The following MYO1E variants were observed in gnomAD, a reference collection of about 807,000 sequenced individuals.
The protein encoded by MYO1E is myosin IE.
A neutral mutation model predicts 151.1 loss-of-function variants in MYO1E; 68 were observed. The ratio of observed to expected loss-of-function variants is 0.45; its 90% CI spans 0.37 to 0.55. The LOEUF (loss-of-function observed/expected upper bound fraction) is 0.55. MYO1E is among the 20% of genes least tolerant of loss of function. The pLI, the probability that MYO1E is intolerant of heterozygous loss-of-function variation, is 0.00. For missense variants in MYO1E, 1,363 were observed against 1,389.3 expected, an observed-to-expected ratio of 0.98 and a Z score of 0.30; for synonymous variants, 601 against 501.7, an observed-to-expected ratio of 1.20 and a Z score of -2.64.
intron 1 of MYO1E, among the ~76,000 whole-genome samples, chr15:59,310,250 A>T (rs921584333): frequency 3.3e-5 from 5 of 152,116 alleles, no homozygotes; most frequent in Admixed American, 6.5e-5. Flanking sequence ...GAGTCCTAAA[A>T]TGATAAGGTG....
intron 1 of MYO1E, among the ~76,000 whole-genome samples, chr15:59,285,931 G>T (rs903874933): frequency 6.6e-6 from 1 of 152,182 alleles, no homozygotes; most frequent in Non-Finnish European, 1.5e-5. Context: ...GTTTGAAAAT[G>T]ATAGTCTCTG....
At chr15:59,147,866 C>T (rs1252644630) in intron 26 of MYO1E, among the ~76,000 whole-genome samples, 3 of 152,030 alleles carry the variant, frequency 2.0e-5, no homozygotes, top group Non-Finnish European at 4.4e-5. Context: ...GCTGCCCATT[C>T]CCCGCATTAC....
At chr15:59,229,780 C>T (rs1196141161) in intron 6 of MYO1E, among the ~76,000 whole-genome samples, 1 of 151,662 alleles carries the variant, frequency 6.6e-6, no homozygotes, top group Non-Finnish European at 1.5e-5. Context: ...TACCCTGATG[C>T]CACTTCTTCA....
At chr15:59,183,978 C>A (rs1353137304) in intron 18 of MYO1E, among the ~76,000 whole-genome samples, 1 of 152,126 alleles carries the variant, frequency 6.6e-6, no homozygotes, top group Non-Finnish European at 1.5e-5. Flanking sequence ...ACATAATGAT[C>A]TCCAATTCCA....
intron 14 of MYO1E, chr15:59,207,951 C>G (rs1203437622): frequency 6.2e-7 from 1 of 1,613,912 alleles, no homozygotes; most frequent in Non-Finnish European, 8.5e-7. Context: ...AAGAAGTATT[C>G]CTCAGTATTC....
At chr15:59,354,150 AG>A (rs1179651632) in intron 1 of MYO1E, among the ~76,000 whole-genome samples, 1 of 152,206 alleles carries the variant, frequency 6.6e-6, no homozygotes, top group Non-Finnish European at 1.5e-5. Flanking sequence ...AGTTGAAAAA[AG>A]TTCTCTGAAT....
intron 3 of MYO1E, among the ~76,000 whole-genome samples, chr15:59,259,195 G>T (rs1427954913): frequency 6.6e-6 from 1 of 152,176 alleles, no homozygotes; most frequent in Non-Finnish European, 1.5e-5. Flanking sequence ...GTACTTACTT[G>T]TTCTCAAATA....
At chr15:59,365,765 G>A (rs376726098) in intron 1 of MYO1E, among the ~76,000 whole-genome samples, 1 of 152,156 alleles carries the variant, frequency 6.6e-6, no homozygotes, top group Admixed American at 6.5e-5. Flanking sequence ...GCCTCCTTCA[G>A]AGCAGTTCTT....
chr15:59,248,555 G>A (rs531746111), intron 4 of MYO1E, among the ~76,000 whole-genome samples: 1 of 151,802 alleles, frequency 6.6e-6, no homozygotes, highest in South Asian at 2.1e-4. Flanking sequence ...TCTGCCAGTG[G>A]GCTGAGGAGG....
At chr15:59,277,922 T>C (rs2080330694) in intron 1 of MYO1E, among the ~76,000 whole-genome samples, 1 of 152,254 alleles carries the variant, frequency 6.6e-6, no homozygotes, top group Non-Finnish European at 1.5e-5. Context: ...GGAGAAGACC[T>C]GGAGTTTTAG....
intron 18 of MYO1E, among the ~76,000 whole-genome samples, chr15:59,179,122 G>A (rs2079643133): frequency 2.0e-5 from 3 of 152,038 alleles, no homozygotes. Flanking sequence ...TGCCCACCAT[G>A]CCCTTTCCTT....
At chr15:59,318,522 C>G (rs74017729) in intron 1 of MYO1E, among the ~76,000 whole-genome samples, 6,282 of 152,114 alleles carry the variant, frequency 0.041, 338 homozygotes, top group African/African-American at 0.13. Flanking sequence ...GAAAATCATA[C>G]AAGAGATTAA....
At position 59,236,795 on chromosome 15, in the gene MYO1E, AT is replaced by A. The variant is rs11356613; in HGVS notation, c.333-124del. 0.52 allele frequency: 394,785 copies of A among 754,306 alleles called. 103,037 individuals carry two copies. The highest frequency in any genetic ancestry group is 0.59 in the Non-Finnish European group (265,411 of 450,822). The allele number at this position is 754,306 out of a possible 1,614,324, so 46.7% of individuals were successfully genotyped here. On this transcript the variant is annotated intron_variant, in intron 4 of 27. Transcript: ENST00000288235. ...AAACAAAAAAAACAGGCAGAAAAGA[AT>A]TTTTTTTTTTAAGTACAATACCAGT...
intron 5 of MYO1E, among the ~76,000 whole-genome samples, chr15:59,236,035 T>C (rs1167034761): frequency 6.6e-6 from 1 of 152,174 alleles, no homozygotes; most frequent in African/African-American, 2.4e-5. Flanking sequence ...TATTGATTTG[T>C]AGGAGTTCAT....
chr15:59,173,733 A>C lies in MYO1E; in HGVS notation c.2334+13T>G. The stretch of plus-strand genomic sequence containing the variant: ...CTGTTTGGTGATCTCAGAGGCAGGC[A>C]GTTAGCACGTACCTTGAACCTCCTG... On this transcript the variant is annotated intron_variant, in intron 21 of 27. Transcript: ENST00000288235. 1 of 1,613,980 alleles carries C rather than the reference A, an allele frequency of 6.2e-7. No individual in the cohort carries two copies. The highest frequency in any genetic ancestry group is 8.5e-7 in the Non-Finnish European group (1 of 1,179,826).
chr15:59,284,902 C>T (rs533270026), intron 1 of MYO1E, among the ~76,000 whole-genome samples: 3 of 152,270 alleles, frequency 2.0e-5, no homozygotes, highest in South Asian at 4.1e-4. Context: ...ATGACAAATG[C>T]TCATTTCACT....
At chr15:59,174,016 AT>A (rs2079610384) in intron 20 of MYO1E, 101 bp from the exon 21 acceptor site, 19 of 1,508,884 alleles carry the variant, frequency 1.3e-5, no homozygotes, top group Non-Finnish European at 1.7e-5. Context: ...ATGATGCAAT[AT>A]TTTTAGCGTG....
At chr15:59,223,566 C>G (rs1317208357) in intron 8 of MYO1E, among the ~76,000 whole-genome samples, 1 of 152,168 alleles carries the variant, frequency 6.6e-6, no homozygotes, top group Admixed American at 6.5e-5. Flanking sequence ...TCTCCAAGTC[C>G]TGTCTTCATC....
At chr15:59,334,139 G>A (rs2080714160) in intron 1 of MYO1E, among the ~76,000 whole-genome samples, 1 of 152,120 alleles carries the variant, frequency 6.6e-6, no homozygotes, top group Non-Finnish European at 1.5e-5. Flanking sequence ...AAATTAGCCT[G>A]GCATGGTGGC....
Sources: allele counts gnomAD v4.1 joint callset (sites outside exome capture counted in the v4.1 genomes callset), GRCh38; gene constraint gnomAD v4.1.1; transcripts MANE v1.5; gene names NCBI Gene and HGNC (gene_info 2026-07-23, HGNC 2026-07-21).